IMPG2: variants seen among roughly 807,000 people sequenced by gnomAD.
IMPG2 encodes interphotoreceptor matrix proteoglycan 2, also known as IPM 200.
A neutral mutation model predicts 129.2 loss-of-function variants in IMPG2; 91 were observed. That is an observed-to-expected ratio of 0.70 (90% CI 0.59 to 0.84). The LOEUF is 0.84. IMPG2 is among the 40% of genes least tolerant of loss of function. The pLI is 0.00. For synonymous variants in IMPG2, 510 were observed against 517.7 expected, an observed-to-expected ratio of 0.99 and a Z score of 0.20; for missense variants, 1,430 against 1,461.7, an observed-to-expected ratio of 0.98 and a Z score of 0.35.
chr3:101,295,008 ATTT>A (rs1277806577), intron 3 of IMPG2, among the ~76,000 whole-genome samples: 3 of 151,784 alleles, frequency 2.0e-5, no homozygotes, highest in African/African-American at 7.3e-5. Context: ...AGATTGCAAA[ATTT>A]TCTCCCATTC....
chr3:101,238,610 A>T lies in IMPG2; in HGVS notation c.3022+4078T>A, dbSNP rs144456474. The stretch of plus-strand genomic sequence containing the variant: ...ATTTTCAACCCAGAATTTCACATCC[A>T]GCCAAACTAAGCTTCATATGCAAAG... On this transcript the variant is annotated intron_variant, in intron 14 of 18. Transcript: ENST00000193391. 9.0e-3 allele frequency among the ~76,000 whole-genome samples: 1,376 copies of T among 152,338 alleles called. 18 individuals carry two copies. The highest frequency in any genetic ancestry group is 0.031 in the African/African-American group (1,306 of 41,572).
intron 3 of IMPG2, among the ~76,000 whole-genome samples, chr3:101,302,288 C>G (rs1707147670): frequency 6.6e-6 from 1 of 152,192 alleles, no homozygotes; most frequent in Non-Finnish European, 1.5e-5. Flanking sequence ...TTCTGTTCTT[C>G]TGGTAATACT....
chr3:101,318,011 C>T (rs969141257), intron 2 of IMPG2, among the ~76,000 whole-genome samples: 1 of 151,792 alleles, frequency 6.6e-6, no homozygotes, highest in Admixed American at 6.6e-5. Flanking sequence ...TGGCATGTGC[C>T]TGTAATCCCA....
chr3:101,284,863 T>A (rs1706928731), intron 4 of IMPG2, among the ~76,000 whole-genome samples: 1 of 152,168 alleles, frequency 6.6e-6, no homozygotes, highest in Non-Finnish European at 1.5e-5. Flanking sequence ...ACCTTTTTTT[T>A]AAAGAAACAA....
chr3:101,317,841 A>G (rs946919976), intron 2 of IMPG2, among the ~76,000 whole-genome samples: 1 of 152,168 alleles, frequency 6.6e-6, no homozygotes, highest in African/African-American at 2.4e-5. Flanking sequence ...ATCAAAAGGT[A>G]TGACCAAATC....
At chr3:101,257,383 C>A in intron 10 of IMPG2, 146 bp downstream of exon 10, 1 of 930,226 alleles carries the variant, frequency 1.1e-6, no homozygotes. Flanking sequence ...AGCTGCATGG[C>A]TAAAACTCCA....
chr3:101,278,371 C>T lies in IMPG2; in HGVS notation c.534-1658G>A, dbSNP rs1280064887. On this transcript the variant is annotated intron_variant, in intron 4 of 18. Transcript: ENST00000193391. ...GCCCAGTAAGTCACATCTTCAGAGC[C>T]ACACACTTTTAGATCAACCTACTGC... is the stretch of plus-strand genomic sequence containing the variant. Among the ~76,000 whole-genome samples, 6 of 152,154 alleles carry T rather than the reference C, an allele frequency of 3.9e-5. No homozygotes were observed. In the East Asian group the frequency reaches 1.2e-3, roughly 29 times the overall value.
intron 10 of IMPG2, among the ~76,000 whole-genome samples, chr3:101,254,457 T>C (rs563398021): frequency 5.9e-4 from 90 of 152,188 alleles, no homozygotes; most frequent in African/African-American, 1.9e-3. Context: ...CAATGTATGG[T>C]AATACAGACA....
At chr3:101,253,591 G>A in intron 11 of IMPG2, 105 bp downstream of exon 11, 1 of 785,230 alleles carries the variant, frequency 1.3e-6, no homozygotes, top group Non-Finnish European at 2.2e-6. Flanking sequence ...GAGAATAATT[G>A]AAATGAGAAC....
chr3:101,278,080 C>A (rs1706856850), intron 4 of IMPG2, among the ~76,000 whole-genome samples: 1 of 152,058 alleles, frequency 6.6e-6, no homozygotes, highest in Non-Finnish European at 1.5e-5. Context: ...ACTAAAAATA[C>A]AAAAATTAGC....
rs1706261870 is a variant in IMPG2, at chr3:101,229,507, C to T, written c.3506G>A (p.Gly1169Glu). ...YNPVYESHRA[G>E]CEKYEGPYPQ... ...ATAGGGTCCCTCATACTTCTCACAT[C>T]CAGCCCTGTGACTTTCATACACGGG... The change falls in exon 17 of 19, where the codon GGA becomes GAA. Residue 1169 changes from glycine (G) to glutamate (E), a missense_variant. Coordinates refer to ENST00000193391, the MANE Select transcript of IMPG2 (RefSeq NM_016247.4). The T allele has an allele frequency of 2.2e-5, 36 of 1,613,712 alleles. No individual in the cohort carries two copies. The highest frequency in any genetic ancestry group is 2.9e-5 in the Non-Finnish European group (34 of 1,180,014).
intron 4 of IMPG2, among the ~76,000 whole-genome samples, chr3:101,286,478 G>A (rs1186960849): frequency 6.6e-6 from 1 of 152,004 alleles, no homozygotes; most frequent in Admixed American, 6.6e-5. Context: ...AAGTCTACCA[G>A]CCTAATTCTA....
intron 3 of IMPG2, among the ~76,000 whole-genome samples, chr3:101,294,619 T>A (rs1360203862): frequency 2.0e-5 from 3 of 152,230 alleles, no homozygotes; most frequent in Non-Finnish European, 4.4e-5. Context: ...ATAATGGGAT[T>A]GCTGGGTCAA....
At chr3:101,286,658 C>T (rs1268475777) in intron 4 of IMPG2, among the ~76,000 whole-genome samples, 1 of 152,168 alleles carries the variant, frequency 6.6e-6, no homozygotes, top group Non-Finnish European at 1.5e-5. Flanking sequence ...GTCTAGCTTC[C>T]GATGGCATGT....
intron 4 of IMPG2, among the ~76,000 whole-genome samples, chr3:101,288,390 C>G (rs1248109883): frequency 6.6e-6 from 1 of 151,866 alleles, no homozygotes; most frequent in East Asian, 1.9e-4. Flanking sequence ...TATCAAAAAG[C>G]CACATGCACT....
Position 101,228,730 on chromosome 3 carries a change from G to T in IMPG2, c.3713+67C>A, listed in dbSNP as rs186145915. The stretch of plus-strand genomic sequence containing the variant: ...CAGGAAATTATGTGCTCACTCAGGT[G>T]TGACATTACTCTAGAGTAAACTGTT... On this transcript the variant is annotated intron_variant, in intron 18 of 18. Coordinates refer to ENST00000193391, the MANE Select transcript of IMPG2 (RefSeq NM_016247.4). 170 of 1,214,632 alleles carry T rather than the reference G, an allele frequency of 1.4e-4. No homozygotes were observed. The African/African-American group carries it at 2.1e-3, about 15-fold the overall frequency. 75.2% of individuals were successfully genotyped at this position (1,214,632 alleles called of 1,614,324 possible). A position where few individuals can be genotyped will look rare whatever the true frequency, so the allele number is the denominator to read the frequency against.
At chr3:101,270,573 G>A (rs149905113) in intron 7 of IMPG2, among the ~76,000 whole-genome samples, 100 of 152,214 alleles carry the variant, frequency 6.6e-4, no homozygotes, top group African/African-American at 2.2e-3. Flanking sequence ...GTTGAGGCGG[G>A]TGGATCACGA....
chr3:101,253,453 G>A (rs1216723292), intron 11 of IMPG2, among the ~76,000 whole-genome samples: 2 of 152,062 alleles, frequency 1.3e-5, no homozygotes, highest in Admixed American at 1.3e-4. Flanking sequence ...CATAAATAAG[G>A]TTTCTACCCT....
rs774052526 is a variant in IMPG2 at position 101,269,501 on chromosome 3, A to G, written c.887+14T>C. The G allele has an allele frequency of 2.1e-6, 3 of 1,452,068 alleles. No individual in the cohort carries two copies. The highest frequency in any genetic ancestry group is 2.9e-6 in the Non-Finnish European group (3 of 1,032,578). 89.9% of individuals were successfully genotyped at this position (1,452,068 alleles called of 1,614,324 possible). On this transcript the variant is annotated intron_variant, in intron 8 of 18. Coordinates refer to ENST00000193391, the MANE Select transcript of IMPG2 (RefSeq NM_016247.4). ...TACTACTGAAAATGTGCATATTTAG[A>G]TAAGTCTATTTACCTAAATTCAAGT...
Sources: allele counts gnomAD v4.1 joint callset (sites outside exome capture counted in the v4.1 genomes callset), GRCh38; gene constraint gnomAD v4.1.1; transcripts MANE v1.5; gene names NCBI Gene and HGNC (gene_info 2026-07-23, HGNC 2026-07-21).